WWOX: variants seen among roughly 807,000 people sequenced by gnomAD.
The protein encoded by WWOX is WW domain-containing oxidoreductase.
In WWOX, 69 loss-of-function variants were observed where a neutral mutation model predicts 46.2. The observed-to-expected ratio is 1.49, with a 90% CI of 1.23 to 1.82. WWOX has a LOEUF of 1.82. WWOX is among the 40% of genes most tolerant of loss of function. The pLI, the probability that WWOX is intolerant of heterozygous loss-of-function variation, is 0.00. For missense variants in WWOX, 919 were observed against 542.6 expected, an observed-to-expected ratio of 1.69 and a Z score of -6.89; for synonymous variants, 359 against 202.6, an observed-to-expected ratio of 1.77 and a Z score of -6.56.
chr16:78,747,543 C>G (rs2049377541), intron 8 of WWOX, among the ~76,000 whole-genome samples: 2 of 152,172 alleles, frequency 1.3e-5, no homozygotes, highest in African/African-American at 4.8e-5. Context: ...TCGTAATGTT[C>G]AGATGAGGAA....
chr16:78,879,777 T>C (rs1238469549), intron 8 of WWOX, among the ~76,000 whole-genome samples: 1 of 152,084 alleles, frequency 6.6e-6, no homozygotes, highest in African/African-American at 2.4e-5. Context: ...CTTGGGAGGC[T>C]GAGGCAGGAG....
At chr16:78,785,629 G>T (rs186871563) in intron 8 of WWOX, among the ~76,000 whole-genome samples, 1 of 152,298 alleles carries the variant, frequency 6.6e-6, no homozygotes, top group African/African-American at 2.4e-5. Flanking sequence ...AAATGCTTCT[G>T]ATTTTTGCTG....
chr16:78,575,258 T>A (rs1390917336), intron 8 of WWOX, among the ~76,000 whole-genome samples: 1 of 148,912 alleles, frequency 6.7e-6, no homozygotes, highest in East Asian at 2.0e-4. Flanking sequence ...ACATCAAAAC[T>A]GACTTTTTAT....
chr16:78,457,775 G>A (rs1303979817), intron 8 of WWOX, among the ~76,000 whole-genome samples: 2 of 151,904 alleles, frequency 1.3e-5, no homozygotes, highest in Non-Finnish European at 2.9e-5. Flanking sequence ...TTATAGCTGG[G>A]CGTGGTGGCG....
At chr16:79,097,262 G>A (rs1039532781) in intron 8 of WWOX, among the ~76,000 whole-genome samples, 7 of 151,770 alleles carry the variant, frequency 4.6e-5, no homozygotes, top group South Asian at 2.1e-4. Context: ...AGGCCCTCAT[G>A]CCTAGCTGTT....
chr16:78,929,412 A>G (rs955684792), intron 8 of WWOX, among the ~76,000 whole-genome samples: 1 of 152,166 alleles, frequency 6.6e-6, no homozygotes, highest in Non-Finnish European at 1.5e-5. Flanking sequence ...AGACATTACT[A>G]AAGAATAGGA....
In WWOX at chr16:79,116,823, A is replaced by G. The variant is rs1430355649; in HGVS notation, c.1057-94785A>G. ...GCTGAATCCTTTCTAGAAGATTTTC[A>G]ATTTACTTAGCCCAGATCCATCAGA... On this transcript the variant is annotated intron_variant, in intron 8 of 8. Coordinates refer to ENST00000566780, the MANE Select transcript of WWOX (RefSeq NM_016373.4). 1.3e-5 allele frequency among the ~76,000 whole-genome samples: 2 copies of G among 151,892 alleles called. 1 individual carries two copies. The highest frequency in any genetic ancestry group is 1.3e-4 in the Admixed American group (2 of 15,218).
chr16:79,041,001 C>G (rs1425007631), intron 8 of WWOX, among the ~76,000 whole-genome samples: 1 of 151,894 alleles, frequency 6.6e-6, no homozygotes. Flanking sequence ...TACTAGCAGA[C>G]AAGTGCATCA....
chr16:78,938,204 C>T lies in WWOX; in HGVS notation c.1057-273404C>T, dbSNP rs112023096. On this transcript the variant is annotated intron_variant, in intron 8 of 8. Transcript: ENST00000566780. The stretch of plus-strand genomic sequence containing the variant: ...GCTGTTTTGAGAGGAGTGTGAAATA[C>T]ATGAAGGCAGGACTTCCACACACCT... Among the ~76,000 whole-genome samples the T allele has an allele frequency of 4.3e-3, 658 of 152,280 alleles. 11 individuals carry two copies. Among genetic ancestry groups the T allele is most frequent in the African/African-American group, 0.015 (608 of 41,566 alleles).
chr16:78,510,720 C>G (rs1049175291), intron 8 of WWOX, among the ~76,000 whole-genome samples: 1 of 152,068 alleles, frequency 6.6e-6, no homozygotes, highest in African/African-American at 2.4e-5. Context: ...ACAGATCCTT[C>G]GTATCAGTAA....
chr16:78,251,756 A>G (rs888488015), intron 5 of WWOX, among the ~76,000 whole-genome samples: 1 of 152,188 alleles, frequency 6.6e-6, no homozygotes, highest in Non-Finnish European at 1.5e-5. Context: ...TGTAGACATC[A>G]AGTAATTCTA....
chr16:78,521,892 C>T (rs903547809), intron 8 of WWOX, among the ~76,000 whole-genome samples: 5 of 151,738 alleles, frequency 3.3e-5, no homozygotes, highest in Non-Finnish European at 7.4e-5. Flanking sequence ...GGAGGATATT[C>T]GTCTGGATTT....
chr16:78,371,341 G>C (rs1185371596), intron 5 of WWOX, among the ~76,000 whole-genome samples: 2 of 152,134 alleles, frequency 1.3e-5, no homozygotes, highest in Non-Finnish European at 2.9e-5. Context: ...CAGTAAAAAA[G>C]TGTACTTTTT....
intron 8 of WWOX, among the ~76,000 whole-genome samples, chr16:79,035,715 T>C (rs1394584866): frequency 6.6e-6 from 1 of 151,972 alleles, no homozygotes; most frequent in Admixed American, 6.6e-5. Flanking sequence ...ATGTTTGTAT[T>C]TTTAGTAGGG....
intron 8 of WWOX, chr16:78,825,233 C>A (rs9936829): frequency 0.3 from 68,817 of 226,996 alleles, 10,925 homozygotes; most frequent in Middle Eastern, 0.41. Context: ...CTAGTGAGAT[C>A]TAAGAGAGGC....
In WWOX at chr16:78,464,874, T is replaced by C. The variant is rs78902554; in HGVS notation, c.1056+32122T>C. Reference sequence around the variant, plus strand: ...ACATATTACTCCATTCCCATACTTCTGTGAAGAAATACCCGAGACTGGGTA... The same window carrying C: ...ACATATTACTCCATTCCCATACTTCCGTGAAGAAATACCCGAGACTGGGTA... On this transcript the variant is annotated intron_variant, in intron 8 of 8. Coordinates refer to ENST00000566780, the MANE Select transcript of WWOX (RefSeq NM_016373.4). Among the ~76,000 whole-genome samples, 918 of 152,312 alleles carry C rather than the reference T, an allele frequency of 6.0e-3. 9 individuals are homozygous for C. The highest frequency in any genetic ancestry group is 0.011 in the Non-Finnish European group (733 of 68,036).
chr16:78,757,357 C>T (rs2142475426), intron 8 of WWOX, among the ~76,000 whole-genome samples: 1 of 152,178 alleles, frequency 6.6e-6, no homozygotes, highest in Middle Eastern at 3.4e-3. Context: ...AGCACCCCAG[C>T]ATGACCACCA....
chr16:78,853,225 C>A (rs1157837218), intron 8 of WWOX, among the ~76,000 whole-genome samples: 1 of 151,812 alleles, frequency 6.6e-6, no homozygotes, highest in Non-Finnish European at 1.5e-5. Context: ...TTATTTTTTT[C>A]TTTTTTGTTT....
intron 8 of WWOX, among the ~76,000 whole-genome samples, chr16:78,673,836 C>T (rs543643707): frequency 2.0e-5 from 3 of 152,262 alleles, no homozygotes; most frequent in African/African-American, 4.8e-5. Flanking sequence ...ATCGTATCCT[C>T]CCGCAGAGGT....
Sources: gnomAD v4.1 joint callset for allele counts (sites outside exome capture counted in the v4.1 genomes callset) on GRCh38, gnomAD v4.1.1 for gene constraint, MANE v1.5 for transcripts, NCBI Gene and HGNC (gene_info 2026-07-23, HGNC 2026-07-21) for gene names.